FGF12: variants seen among roughly 807,000 people sequenced by gnomAD.
FGF12 encodes fibroblast growth factor 12B.
A neutral mutation model predicts 23.6 loss-of-function variants in FGF12; 14 were observed. The observed-to-expected ratio is 0.59, with a 90% CI of 0.39 to 0.93. FGF12 has a LOEUF of 0.93. FGF12 is among the 40% of genes least tolerant of loss of function. The probability of loss-of-function intolerance (pLI) is 0.00; values close to 1 mark genes in which losing one functional copy is unlikely to be tolerated. For synonymous variants in FGF12, 62 were observed against 77.3 expected (o/e 0.80, Z 1.04); for missense variants, 175 against 217.8 (o/e 0.80, Z 1.24).
intron 2 of FGF12, among the ~76,000 whole-genome samples, chr3:192,455,727 A>G (rs1722660564): frequency 6.6e-6 from 1 of 152,198 alleles, no homozygotes; most frequent in South Asian, 2.1e-4. Context: ...GCTTCTGCAT[A>G]TTTAGATGGC....
chr3:192,441,341 A>G (rs1160796988), intron 2 of FGF12, among the ~76,000 whole-genome samples: 1 of 152,168 alleles, frequency 6.6e-6, no homozygotes, highest in East Asian at 1.9e-4. Context: ...GGGAGGATTT[A>G]GCCAGTAGAA....
At position 192,139,464 on chromosome 3, in the gene FGF12, C is replaced by T. The variant is rs1259518101; in HGVS notation, c.*4545G>A. The T allele has an allele frequency of 6.6e-6, 1 of 152,056 alleles. No individual in the cohort carries two copies. The highest frequency in any genetic ancestry group is 2.4e-5 in the African/African-American group (1 of 41,400). The allele number at this position is 152,056 out of a possible 1,614,324, so 9.4% of individuals were successfully genotyped here. A position where few individuals can be genotyped will look rare whatever the true frequency, so the allele number is the denominator to read the frequency against. ...TTTCTCATACAACATGTTTACTAAACATTTCAGTGTCAATAATTTCTTAAG... is the reference window on the plus strand; with the variant it reads ...TTTCTCATACAACATGTTTACTAAATATTTCAGTGTCAATAATTTCTTAAG... On this transcript the variant is annotated 3_prime_UTR_variant, in exon 6 of 6. Transcript: ENST00000445105.
At chr3:192,219,762 A>G (rs1482427895) in intron 4 of FGF12, among the ~76,000 whole-genome samples, 1 of 152,176 alleles carries the variant, frequency 6.6e-6, no homozygotes, top group African/African-American at 2.4e-5. Context: ...TCTGACTCAC[A>G]CTCACATTTG....
chr3:192,319,370 G>A (rs1577349483), intron 4 of FGF12, among the ~76,000 whole-genome samples: 1 of 152,276 alleles, frequency 6.6e-6, no homozygotes, highest in East Asian at 1.9e-4. Flanking sequence ...GCCAAGGCAG[G>A]AGGATCACTT....
At chr3:192,632,150 A>G (rs1715412745) in intron 2 of FGF12, among the ~76,000 whole-genome samples, 1 of 152,152 alleles carries the variant, frequency 6.6e-6, no homozygotes. Context: ...TGGTACATGG[A>G]GCTCCTTCCC....
rs1482827084 is a variant in FGF12, at chr3:192,408,907, G to A, written c.14-48369C>T. On this transcript the variant is annotated intron_variant, in intron 2 of 5. Coordinates refer to ENST00000445105, the MANE Select transcript of FGF12 (RefSeq NM_004113.6). The surrounding 1 kb of genome is among the most constrained non-coding windows in gnomAD (Gnocchi z 7.3). The stretch of plus-strand genomic sequence containing the variant: ...GTCTACAGAATGCATCGCGCCGGCT[G>A]CGGCTTTCCAGGGGCCGGCCACCCG... The A allele has an allele frequency of 1.0e-6, 1 of 985,260 alleles. No individual in the cohort carries two copies. The highest frequency in any genetic ancestry group is 1.7e-5 in the African/African-American group (1 of 57,214). 61.0% of individuals were successfully genotyped at this position (985,260 alleles called of 1,614,324 possible). A position where few individuals can be genotyped will look rare whatever the true frequency, so the allele number is the denominator to read the frequency against.
intron 2 of FGF12, among the ~76,000 whole-genome samples, chr3:192,443,499 GT>G (rs1722266196): frequency 6.6e-6 from 1 of 152,158 alleles, no homozygotes. Flanking sequence ...GAATACCTAG[GT>G]TAGTATTTAA....
At chr3:192,529,542 A>G (rs1211914455) in intron 2 of FGF12, among the ~76,000 whole-genome samples, 1 of 152,196 alleles carries the variant, frequency 6.6e-6, no homozygotes, top group Non-Finnish European at 1.5e-5. Flanking sequence ...ATTTTAGGGT[A>G]TCTTTTCAGC....
Position 192,176,870 on chromosome 3 carries a change from A to G in FGF12, c.229-6214T>C, listed in dbSNP as rs114287633. On this transcript the variant is annotated intron_variant, in intron 4 of 5. Coordinates refer to ENST00000445105, the MANE Select transcript of FGF12 (RefSeq NM_004113.6). ...TCACATAAGTTATTCAAGAAAAAAT[A>G]TTTTCCATTCTGTCTCCAACTAACA... Among the ~76,000 whole-genome samples, 394 of 152,254 alleles carry G rather than the reference A, an allele frequency of 2.6e-3. 1 individual carries two copies. The highest frequency in any genetic ancestry group is 9.3e-3 in the African/African-American group (387 of 41,564).
intron 2 of FGF12, among the ~76,000 whole-genome samples, chr3:192,375,449 A>G (rs1719442214): frequency 6.6e-6 from 1 of 152,204 alleles, no homozygotes; most frequent in Non-Finnish European, 1.5e-5. Context: ...ATAAAGGTGT[A>G]GTTTAACAAA....
intron 2 of FGF12, among the ~76,000 whole-genome samples, chr3:192,381,923 T>C (rs1437024076): frequency 2.6e-5 from 4 of 152,004 alleles, no homozygotes; most frequent in Non-Finnish European, 5.9e-5. Flanking sequence ...CAAGGGTCAT[T>C]TGGGAAATTC....
At chr3:192,707,061 T>C (rs548296282) in intron 2 of FGF12, among the ~76,000 whole-genome samples, 1 of 152,208 alleles carries the variant, frequency 6.6e-6, no homozygotes, top group Non-Finnish European at 1.5e-5. Context: ...AAGGCCTTCA[T>C]TACCCATTTA....
intron 5 of FGF12, among the ~76,000 whole-genome samples, chr3:192,157,908 C>A (rs1221732981): frequency 2.0e-5 from 3 of 151,992 alleles, no homozygotes; most frequent in Non-Finnish European, 4.4e-5. Flanking sequence ...TTTAAATGAC[C>A]ATAAAAATAG....
At chr3:192,380,506 G>A (rs1308208375) in intron 2 of FGF12, among the ~76,000 whole-genome samples, 2 of 152,124 alleles carry the variant, frequency 1.3e-5, no homozygotes, top group African/African-American at 2.4e-5. Context: ...ATAAGTTCAT[G>A]AGAGAGAAAA....
At chr3:192,677,345 C>A (rs990983520) in intron 2 of FGF12, among the ~76,000 whole-genome samples, 1 of 152,098 alleles carries the variant, frequency 6.6e-6, no homozygotes, top group Non-Finnish European at 1.5e-5. Context: ...CCTGATCTCA[C>A]CTATACAGAT....
intron 2 of FGF12, among the ~76,000 whole-genome samples, chr3:192,629,080 A>G (rs1715290652): frequency 6.6e-6 from 1 of 152,240 alleles, no homozygotes; most frequent in Admixed American, 6.5e-5. Context: ...TGAATATAAG[A>G]TAAAACAGAC....
chr3:192,726,244 G>A (rs1719210387), intron 2 of FGF12, among the ~76,000 whole-genome samples: 1 of 152,154 alleles, frequency 6.6e-6, no homozygotes, highest in African/African-American at 2.4e-5. Context: ...CGAGTTCTGG[G>A]TAATGAATAT....
At chr3:192,655,425 A>G (rs910574848) in intron 2 of FGF12, among the ~76,000 whole-genome samples, 3 of 152,204 alleles carry the variant, frequency 2.0e-5, no homozygotes, top group African/African-American at 7.2e-5. Context: ...ACATCTTTAG[A>G]CCATGACTTG....
intron 4 of FGF12, among the ~76,000 whole-genome samples, chr3:192,233,940 CTACTACTGTATCTAT>C (rs1457950768): frequency 2.1e-4 from 32 of 152,052 alleles, no homozygotes; most frequent in Non-Finnish European, 1.8e-4. Flanking sequence ...TTACTGTAGC[CTACTACTGTATCTAT>C]TACTGTCACC....
Sources: gnomAD v4.1 joint callset for allele counts (sites outside exome capture counted in the v4.1 genomes callset) on GRCh38, gnomAD v4.1.1 for gene constraint, Gnocchi (gnomAD v3.1) non-coding constraint, MANE v1.5 for transcripts, NCBI Gene and HGNC (gene_info 2026-07-23, HGNC 2026-07-21) for gene names.